The following ENTREP2 variants were observed in gnomAD, a reference collection of about 807,000 sequenced individuals.
The protein encoded by ENTREP2 is protein ENTREP2.
the ENTREP2 span, among the ~76,000 whole-genome samples, chr15:29,150,816 A>C: frequency 1.3e-5 from 2 of 152,210 alleles, no homozygotes; most frequent in African/African-American, 2.4e-5. Context: ...ACCCACTATA[A>C]GAACCAGCTG....
the ENTREP2 span, among the ~76,000 whole-genome samples, chr15:29,658,956 A>G: frequency 6.6e-6 from 1 of 152,230 alleles, no homozygotes; most frequent in Non-Finnish European, 1.5e-5. Flanking sequence ...TTCTTTCCCA[A>G]CTAAAGAGCA....
chr15:29,650,488 G>A, the ENTREP2 span, among the ~76,000 whole-genome samples: 1 of 152,218 alleles, frequency 6.6e-6, no homozygotes, highest in South Asian at 2.1e-4. Context: ...AGCTACTCAG[G>A]AGGCTGAGAC....
At chr15:29,267,835 G>T in the ENTREP2 span, 4 of 152,114 alleles carry the variant, frequency 2.6e-5, no homozygotes, top group South Asian at 4.2e-4. Flanking sequence ...CCATTTTACA[G>T]GTCAAGAAAC....
At chr15:29,347,919 G>A in the ENTREP2 span, among the ~76,000 whole-genome samples, 1 of 152,142 alleles carries the variant, frequency 6.6e-6, no homozygotes, top group Non-Finnish European at 1.5e-5. Flanking sequence ...CTTGTATTGG[G>A]AGACCAAACT....
chr15:29,290,798 T>C, the ENTREP2 span, among the ~76,000 whole-genome samples: 1 of 152,192 alleles, frequency 6.6e-6, no homozygotes, highest in Non-Finnish European at 1.5e-5. Context: ...GAAAGGACTC[T>C]TGCAGCTCCT....
the ENTREP2 span, among the ~76,000 whole-genome samples, chr15:29,657,483 C>CAGGGCGGGGCGGGGGGGGGG: frequency 2.9e-5 from 2 of 69,382 alleles, no homozygotes; most frequent in African/African-American, 1.2e-4. Flanking sequence ...GCTGGGGGGG[C>CAGGGCGGGGCGGGGGGGGGG]GGGGGGGGGG....
the ENTREP2 span, among the ~76,000 whole-genome samples, chr15:29,411,086 A>G: frequency 2.0e-5 from 3 of 152,158 alleles, no homozygotes; most frequent in East Asian, 5.8e-4. Context: ...CCTGGCCTAT[A>G]TAATTTATTA....
chr15:29,294,753 T>C, the ENTREP2 span, among the ~76,000 whole-genome samples: 82 of 152,344 alleles, frequency 5.4e-4, no homozygotes, highest in African/African-American at 1.9e-3. Flanking sequence ...ATATTGTGCT[T>C]TCTTTTCCAC....
the ENTREP2 span, among the ~76,000 whole-genome samples, chr15:29,208,688 AC>A: frequency 9.2e-5 from 14 of 152,218 alleles, no homozygotes; most frequent in Non-Finnish European, 1.9e-4. Flanking sequence ...CTATAGGTAT[AC>A]CCTACATCCT....
At chr15:29,519,138 C>T in the ENTREP2 span, among the ~76,000 whole-genome samples, 1 of 150,116 alleles carries the variant, frequency 6.7e-6, no homozygotes, top group African/African-American at 2.5e-5. Context: ...ATATACACCT[C>T]TTTCTCTCTC....
the ENTREP2 span, among the ~76,000 whole-genome samples, chr15:29,224,876 A>G: frequency 6.6e-6 from 1 of 152,160 alleles, no homozygotes; most frequent in Non-Finnish European, 1.5e-5. Context: ...CCCGCAGCAC[A>G]GGAGCCCACG....
At chr15:29,399,934 G>A in the ENTREP2 span, among the ~76,000 whole-genome samples, 73 of 152,232 alleles carry the variant, frequency 4.8e-4, no homozygotes, top group African/African-American at 1.7e-3. Context: ...GGAAGAGGAG[G>A]GCTCAGTCTT....
chr15:29,650,177 T>TA, the ENTREP2 span, among the ~76,000 whole-genome samples: 348 of 143,560 alleles, frequency 2.4e-3, no homozygotes, highest in African/African-American at 6.4e-3. Context: ...TAACTAAACT[T>TA]AAAAAAAAAA....
the ENTREP2 span, among the ~76,000 whole-genome samples, chr15:29,572,586 AACAG>A: frequency 1.3e-5 from 2 of 152,082 alleles, no homozygotes; most frequent in Non-Finnish European, 2.9e-5. Flanking sequence ...CAGTGAACAA[AACAG>A]ACAAAAATCC....
the ENTREP2 span, chr15:29,122,632 C>G: frequency 6.6e-6 from 1 of 152,274 alleles, no homozygotes; most frequent in African/African-American, 2.4e-5. Flanking sequence ...AGGCACCCCA[C>G]GGAGGGAGGC....
chr15:29,335,617 A>G, the ENTREP2 span, among the ~76,000 whole-genome samples: 6 of 152,186 alleles, frequency 3.9e-5, no homozygotes, highest in South Asian at 4.1e-4. Context: ...AAATGTGGCC[A>G]AAGACCTGGA....
the ENTREP2 span, among the ~76,000 whole-genome samples, chr15:29,592,871 G>T: frequency 6.6e-6 from 1 of 152,114 alleles, no homozygotes; most frequent in African/African-American, 2.4e-5. Context: ...TTCCTCTCTT[G>T]TTATGTGATC....
chr15:29,334,530 A>G, the ENTREP2 span, among the ~76,000 whole-genome samples: 7 of 152,132 alleles, frequency 4.6e-5, no homozygotes, highest in African/African-American at 9.6e-5. Context: ...CTATTAGGTT[A>G]AACATTTGAA....
chr15:29,451,253 T>C, the ENTREP2 span, among the ~76,000 whole-genome samples: 8,589 of 152,076 alleles, frequency 0.056, 322 homozygotes, highest in Non-Finnish European at 0.073. Flanking sequence ...TCGCTGATGA[T>C]GGGGGGTGGC....
Sources: gnomAD v4.1 joint callset for allele counts (sites outside exome capture counted in the v4.1 genomes callset) on GRCh38, gnomAD v4.1.1 for gene constraint, MANE v1.5 for transcripts, NCBI Gene and HGNC (gene_info 2026-07-23, HGNC 2026-07-21) for gene names.